The following ADD1 variants were observed in gnomAD, a reference collection of about 807,000 sequenced individuals.
ADD1 encodes alpha-adducin.
Under a neutral mutation model 80.5 loss-of-function variants are expected in ADD1, and 24 were observed. The ratio of observed to expected loss-of-function variants is 0.30; its 90% CI spans 0.22 to 0.42. The LOEUF is 0.42. Among genes scored for constraint, ADD1 ranks in the 10% least tolerant of loss-of-function variants. ADD1 has a pLI of 1.00. For missense variants in ADD1, 948 were observed against 1,019.0 expected, an observed-to-expected ratio of 0.93 and a Z score of 0.95; for synonymous variants, 373 against 393.8, an observed-to-expected ratio of 0.95 and a Z score of 0.63.
chr4:2,915,867 C>T (rs568121725), intron 14 of ADD1, among the ~76,000 whole-genome samples: 2 of 152,164 alleles, frequency 1.3e-5, no homozygotes, highest in African/African-American at 2.4e-5. Context: ...AGGAGGGAGA[C>T]GTGTGTAAAT....
At chr4:2,896,250 G>A (rs533705263) in intron 6 of ADD1, among the ~76,000 whole-genome samples, 7 of 147,472 alleles carry the variant, frequency 4.7e-5, no homozygotes, top group Non-Finnish European at 6.0e-5. Context: ...GCTGTGTCAC[G>A]CAGGCTGAAG....
At chr4:2,909,041 C>T in intron 12 of ADD1, 1 of 482,890 alleles carries the variant, frequency 2.1e-6, no homozygotes, top group Admixed American at 3.5e-5. Flanking sequence ...CACATTTCTA[C>T]AAAATGACTC....
intron 14 of ADD1, among the ~76,000 whole-genome samples, chr4:2,920,320 G>C (rs1396826805): frequency 6.6e-6 from 1 of 152,176 alleles, no homozygotes; most frequent in African/African-American, 2.4e-5. Flanking sequence ...TTGATTTGGG[G>C]TGGAGAGTTC....
rs777763271 is a variant in ADD1, at chr4:2,905,005, C to G, written c.1403C>G (p.Ser468Trp). ...EEGQNGSSPK[S>W]KTKVWTNITH... ...GGGCAGAATGGAAGCAGTCCCAAGT[C>G]GAAGACTAAGGTGTGGACGAACATT... is the stretch of plus-strand genomic sequence containing the variant. Residue 468 changes from serine (S) to tryptophan (W), a missense_variant, in exon 10 of 16, where the codon TCG becomes TGG. Ser to Trp is a radical substitution (Grantham distance 177). Transcript: ENST00000683351. 5 of 1,614,170 alleles carry G rather than the reference C, an allele frequency of 3.1e-6. No individual in the cohort carries two copies. The highest frequency in any genetic ancestry group is 2.2e-5 in the East Asian group (1 of 44,888).
At position 2,905,091 on chromosome 4, in the gene ADD1, T is replaced by C; in HGVS notation, c.1489T>C (p.Cys497Arg). The C allele has an allele frequency of 1.9e-6, 3 of 1,614,154 alleles. No individual in the cohort carries two copies. Among genetic ancestry groups the C allele is most frequent in the African/African-American group, 1.3e-5 (1 of 75,034 alleles). ...CTCGTCCGGTGTCTGCGTGCCAAGC[T>C]GTATTACCAACTGCTTGGTCTGTGC... ...SLSSGVCVPS[C>R]ITNCLWTKED... is the part of the protein sequence containing the mutation. The change falls in exon 10 of 16, where the codon TGT (cysteine) becomes CGT (arginine). Residue 497 changes from cysteine (C) to arginine (R), a missense_variant. Physicochemically the swap from Cys to Arg is radical, Grantham distance 180. Coordinates refer to ENST00000683351, the MANE Select transcript of ADD1 (RefSeq NM_001354761.2).
chr4:2,904,024 T>G (rs1369078788), intron 9 of ADD1, among the ~76,000 whole-genome samples: 1 of 152,214 alleles, frequency 6.6e-6, no homozygotes. Context: ...TACCTAAAGA[T>G]TATCACAGTA....
intron 2 of ADD1, 186 bp downstream of exon 2, chr4:2,876,296 A>C: frequency 2.0e-6 from 1 of 493,038 alleles, no homozygotes; most frequent in Admixed American, 4.0e-5. Flanking sequence ...TCATAAATGA[A>C]AAATCTTCAG....
chr4:2,877,001 C>CAA (rs397879163), intron 2 of ADD1, among the ~76,000 whole-genome samples: 22 of 118,118 alleles, frequency 1.9e-4, no homozygotes, highest in Admixed American at 2.7e-4. Context: ...GACTCTGTCT[C>CAA]AAAAAAAAAA....
At chr4:2,892,795 T>C (rs1734524953) in intron 4 of ADD1, among the ~76,000 whole-genome samples, 1 of 151,456 alleles carries the variant, frequency 6.6e-6, no homozygotes, top group African/African-American at 2.4e-5. Context: ...ATTGCGCCAC[T>C]GCATTACAGC....
At chr4:2,866,407 C>G (rs959564631) in intron 1 of ADD1, among the ~76,000 whole-genome samples, 3 of 152,178 alleles carry the variant, frequency 2.0e-5, no homozygotes, top group Non-Finnish European at 4.4e-5. Flanking sequence ...AAGTCCTGAC[C>G]TCAGGTGATC....
Position 2,849,505 on chromosome 4 carries a change from G to A in ADD1, c.-21+5481G>A, listed in dbSNP as rs1365079118. Reference sequence around the variant, plus strand: ...GCTGGAAAGGGCATGCCTCAGGAATGGGGCGCAGTAGATGTAACTACATGT... The same window carrying A: ...GCTGGAAAGGGCATGCCTCAGGAATAGGGCGCAGTAGATGTAACTACATGT... On this transcript the variant is annotated intron_variant, in intron 1 of 15. Transcript: ENST00000683351. Among the ~76,000 whole-genome samples the A allele has an allele frequency of 2.0e-5, 3 of 152,172 alleles. No homozygotes were observed. The East Asian group carries it at 5.8e-4, about 29-fold the overall frequency.
In ADD1 at chr4:2,898,124, A is replaced by T. The variant is rs540870548; in HGVS notation, c.742-60A>T. ...TTTCTGTGAGGAAAGCATTTACCAT[A>T]TCATCAGTCATTGTGTAACCCCAGG... On this transcript the variant is annotated intron_variant, in intron 6 of 15. Coordinates refer to ENST00000683351, the MANE Select transcript of ADD1 (RefSeq NM_001354761.2). 64 of 1,535,446 alleles carry T rather than the reference A, an allele frequency of 4.2e-5. No individual in the cohort carries two copies. In the Admixed American group the frequency reaches 1.0e-3, roughly 25 times the overall value.
At chr4:2,894,527 A>G (rs1467531817) in intron 5 of ADD1, 55 bp from the exon 6 acceptor site, 2 of 1,473,840 alleles carry the variant, frequency 1.4e-6, no homozygotes, top group Non-Finnish European at 1.8e-6. Flanking sequence ...AAAAAAAAAG[A>G]AAAGAAAAAA....
chr4:2,916,783 G>T (rs1739158771), intron 14 of ADD1, among the ~76,000 whole-genome samples: 2 of 152,188 alleles, frequency 1.3e-5, no homozygotes, highest in African/African-American at 4.8e-5. Context: ...AGAACATGCA[G>T]TGTTTGGTTT....
chr4:2,924,170 A>G (rs772565044), intron 14 of ADD1, among the ~76,000 whole-genome samples: 12 of 152,202 alleles, frequency 7.9e-5, no homozygotes, highest in Admixed American at 2.0e-4. Context: ...TTTGTCAAAG[A>G]TGGGGCAGTC....
chr4:2,876,995 CTG>C (rs1731443839), intron 2 of ADD1, among the ~76,000 whole-genome samples: 4 of 123,610 alleles, frequency 3.2e-5, no homozygotes, highest in African/African-American at 1.3e-4. Flanking sequence ...GAGCGAGACT[CTG>C]TCTCAAAAAA....
At chr4:2,880,484 T>G (rs1732100182) in intron 2 of ADD1, among the ~76,000 whole-genome samples, 1 of 131,584 alleles carries the variant, frequency 7.6e-6, no homozygotes, top group African/African-American at 3.0e-5. Flanking sequence ...TTTTTTTTTT[T>G]TTTTTTTTTG....
Position 2,905,385 on chromosome 4 carries a change from C to A in ADD1, c.1506+277C>A, listed in dbSNP as rs1229818759. On this transcript the variant is annotated intron_variant, in intron 10 of 15. Transcript: ENST00000683351. ...TATACAATAATTTACATGTATTAACCTACAAATAGGAGCTCTTCTTATTTA... is the reference window on the plus strand; with the variant it reads ...TATACAATAATTTACATGTATTAACATACAAATAGGAGCTCTTCTTATTTA... 8.5e-6 allele frequency: 4 copies of A among 470,738 alleles called. No homozygotes were observed. The East Asian group carries it at 1.1e-4, about 13-fold the overall frequency. The allele number at this position is 470,738 out of a possible 1,614,324, so 29.2% of individuals were successfully genotyped here. A position where few individuals can be genotyped will look rare whatever the true frequency, so the allele number is the denominator to read the frequency against.
chr4:2,876,272 C>T (rs1040664216), intron 2 of ADD1, 162 bp downstream of exon 2: 2 of 560,356 alleles, frequency 3.6e-6, no homozygotes, highest in South Asian at 8.6e-5. Context: ...CAGTTCAGTT[C>T]ATGTTATCAG....
Sources: allele counts gnomAD v4.1 joint callset (sites outside exome capture counted in the v4.1 genomes callset), GRCh38; gene constraint gnomAD v4.1.1; transcripts MANE v1.5; gene names NCBI Gene and HGNC (gene_info 2026-07-23, HGNC 2026-07-21).